MGME1: variants seen among roughly 807,000 people sequenced by gnomAD.
MGME1 encodes the protein mitochondrial genome maintenance exonuclease 1, also known as chromosome 20 open reading frame 72.
In MGME1, 22 loss-of-function variants were observed where a neutral mutation model predicts 33.0. That is an observed-to-expected ratio of 0.67 (90% CI 0.48 to 0.95). The LOEUF (loss-of-function observed/expected upper bound fraction) is 0.95. Among genes scored for constraint, MGME1 ranks in the 40% least tolerant of loss-of-function variants. The probability of loss-of-function intolerance (pLI) is 0.00; values close to 1 mark genes in which losing one functional copy is unlikely to be tolerated. For synonymous variants in MGME1, 133 were observed against 144.0 expected (o/e 0.92, Z 0.55); for missense variants, 383 against 397.8 (o/e 0.96, Z 0.32).
At chr20:17,985,664 GTA>G (rs1305052799) in intron 3 of MGME1, among the ~76,000 whole-genome samples, 3 of 152,058 alleles carry the variant, frequency 2.0e-5, no homozygotes, top group Admixed American at 2.0e-4. Context: ...CCCTATACAA[GTA>G]TACTGTTTTT....
Position 17,990,585 on chromosome 20 carries a change from T to G in MGME1, c.*476T>G, listed in dbSNP as rs1032345053. Reference sequence around the variant, plus strand: ...AGCCCACTACCGCTGCCAACACCAATGCCTAAAACTTGTTTCATACATTGG... The same window carrying G: ...AGCCCACTACCGCTGCCAACACCAAGGCCTAAAACTTGTTTCATACATTGG... On this transcript the variant is annotated 3_prime_UTR_variant, in exon 5 of 5. Transcript: ENST00000377710. 1 of 164,470 alleles carries G rather than the reference T, an allele frequency of 6.1e-6. No homozygotes were observed. The highest frequency in any genetic ancestry group is 2.4e-5 in the African/African-American group (1 of 41,794). 10.2% of individuals were successfully genotyped at this position (164,470 alleles called of 1,614,324 possible).
chr20:17,987,865 G>T (rs990869590), intron 3 of MGME1, among the ~76,000 whole-genome samples: 3 of 152,026 alleles, frequency 2.0e-5, no homozygotes, highest in African/African-American at 7.2e-5. Flanking sequence ...GATAGGGGAT[G>T]GGGGGAGGAA....
At chr20:17,971,066 A>G (rs2035715816) in intron 2 of MGME1, among the ~76,000 whole-genome samples, 1 of 152,240 alleles carries the variant, frequency 6.6e-6, no homozygotes, top group Non-Finnish European at 1.5e-5. Flanking sequence ...TCCTTTACCC[A>G]AGCTTCCCAA....
intron 2 of MGME1, chr20:17,972,823 CAT>C (rs895616162): frequency 6.2e-6 from 6 of 970,960 alleles, no homozygotes; most frequent in Non-Finnish European, 7.3e-6. Context: ...CTGTTTTTAA[CAT>C]GTTTGTCTTC....
In MGME1 at chr20:17,969,815, A is replaced by G; in HGVS notation, c.-45A>G. ...CTCTCCAATAGGAATACAAACATAA[A>G]GGCCTTCGACCGTTGCAAATAGACT... On this transcript the variant is annotated 5_prime_UTR_variant, in exon 2 of 5. Coordinates refer to ENST00000377710, the MANE Select transcript of MGME1 (RefSeq NM_052865.4). The G allele has an allele frequency of 6.5e-7, 1 of 1,537,606 alleles. No individual in the cohort carries two copies. The highest frequency in any genetic ancestry group is 8.7e-7 in the Non-Finnish European group (1 of 1,147,174).
Position 17,980,321 on chromosome 20 carries a change from C to T in MGME1, c.731+4418C>T, listed in dbSNP as rs147180208. On this transcript the variant is annotated intron_variant, in intron 3 of 4. Transcript: ENST00000377710. ...GATTACAGGTGTGAGCCACTGTGCC[C>T]GACCCCACTGAATTTTTAATGGGTA... 4.0e-5 allele frequency among the ~76,000 whole-genome samples: 6 copies of T among 151,722 alleles called. No homozygotes were observed. The East Asian group carries it at 7.9e-4, about 20-fold the overall frequency.
intron 3 of MGME1, among the ~76,000 whole-genome samples, chr20:17,977,605 G>T (rs2035901535): frequency 1.3e-5 from 2 of 152,146 alleles, no homozygotes; most frequent in African/African-American, 4.8e-5. Flanking sequence ...GCAAGGGTTT[G>T]TGATAAAGGA....
chr20:17,968,663 A>C (rs2035620924), upstream of MGME1: 1 of 597,010 alleles, frequency 1.7e-6, no homozygotes, highest in Non-Finnish European at 3.0e-6. Context: ...GCTGCCGTCC[A>C]TCTTGGAGCC....
chr20:17,981,733 G>C (rs2036027310), intron 3 of MGME1, among the ~76,000 whole-genome samples: 1 of 151,218 alleles, frequency 6.6e-6, no homozygotes, highest in Non-Finnish European at 1.5e-5. Flanking sequence ...GGCACAATCT[G>C]GACTCACTAT....
chr20:17,979,320 C>T (rs1379401822), intron 3 of MGME1, among the ~76,000 whole-genome samples: 2 of 152,120 alleles, frequency 1.3e-5, no homozygotes, highest in African/African-American at 2.4e-5. Context: ...CTCAAGCAAG[C>T]TGCCTGTCTC....
intron 3 of MGME1, among the ~76,000 whole-genome samples, chr20:17,979,082 A>AT (rs909914628): frequency 1.9e-4 from 27 of 145,122 alleles, no homozygotes; most frequent in South Asian, 1.1e-3. Flanking sequence ...CCAGCCTAGA[A>AT]TTTTTTTTTT....
At chr20:17,988,703 T>TA (rs34498827) in intron 4 of MGME1, among the ~76,000 whole-genome samples, 2,956 of 138,762 alleles carry the variant, frequency 0.021, 76 homozygotes, top group African/African-American at 0.061. Flanking sequence ...AGAAAAATTG[T>TA]AAAAAAAAAA....
intron 4 of MGME1, among the ~76,000 whole-genome samples, chr20:17,989,388 C>CAAATAAATAAAT (rs58644150): frequency 0.054 from 7,721 of 142,382 alleles, 348 homozygotes; most frequent in East Asian, 0.12. Context: ...TGTCTCTCTC[C>CAAATAAATAAAT]AAATAAATAA....
At chr20:17,968,631 C>A (rs1384715660), upstream of MGME1, 2 of 620,210 alleles carry the variant, frequency 3.2e-6, no homozygotes, top group Admixed American at 2.4e-5. Flanking sequence ...ACGTGCTCCC[C>A]CAGAGCAGCC....
chr20:17,977,684 C>T (rs545763082), intron 3 of MGME1, among the ~76,000 whole-genome samples: 159 of 152,284 alleles, frequency 1.0e-3, no homozygotes, highest in African/African-American at 3.6e-3. Context: ...GGAATGCCTT[C>T]GTTCTCCAGA....
chr20:17,989,128 A>G (rs553750777), intron 4 of MGME1, among the ~76,000 whole-genome samples: 8 of 149,458 alleles, frequency 5.4e-5, no homozygotes, highest in Non-Finnish European at 1.0e-4. Flanking sequence ...GCCCAAGCCT[A>G]TAATTCCAGC....
Position 17,978,425 on chromosome 20 carries a change from G to A in MGME1, c.731+2522G>A, listed in dbSNP as rs190240845. Among the ~76,000 whole-genome samples the A allele has an allele frequency of 5.9e-5, 9 of 152,136 alleles. No homozygotes were observed. The East Asian group carries it at 1.7e-3, about 29-fold the overall frequency. ...TCGCCATGTTGGCCAGGCTGGTCTC[G>A]AACTCCTGACCTCAGGTGATCCACC... On this transcript the variant is annotated intron_variant, in intron 3 of 4. Transcript: ENST00000377710.
rs149690216 is a variant in MGME1 at position 17,980,509 on chromosome 20, A to G, written c.731+4606A>G. On this transcript the variant is annotated intron_variant, in intron 3 of 4. Coordinates refer to ENST00000377710, the MANE Select transcript of MGME1 (RefSeq NM_052865.4). ...ACCCTGCTTTTTTCCACTTAAAAAA[A>G]TTATTTAAAAAAAAATCAGGCTGGG... 1.6e-3 allele frequency among the ~76,000 whole-genome samples: 240 copies of G among 152,056 alleles called. 2 individuals are homozygous for G. The highest frequency in any genetic ancestry group is 5.3e-3 in the African/African-American group (222 of 41,512).
In MGME1 at chr20:17,990,060, C is replaced by T. The variant is rs141693556; in HGVS notation, c.986C>T (p.Thr329Met). 116 of 1,613,656 alleles carry T rather than the reference C, an allele frequency of 7.2e-5. No homozygotes were observed. In the African/African-American group the frequency reaches 1.1e-3, roughly 16 times the overall value. Residue 329 changes from threonine to methionine, a missense_variant, in exon 5 of 5, where the codon ACG becomes ATG. Physicochemically the swap from Thr to Met is moderately conservative, Grantham distance 81. Coordinates refer to ENST00000377710, the MANE Select transcript of MGME1 (RefSeq NM_052865.4). Reference protein sequence around the residue: ...TKWLLRLEEYTEKKKNQNIQK... With the variant: ...TKWLLRLEEYMEKKKNQNIQK... ...TGGCTTCTTCGACTAGAAGAATATA[C>T]GGAAAAGAAAAAGAACCAGAATATT...
Sources: allele counts gnomAD v4.1 joint callset (sites outside exome capture counted in the v4.1 genomes callset), GRCh38; gene constraint gnomAD v4.1.1; transcripts MANE v1.5; gene names NCBI Gene and HGNC (gene_info 2026-07-23, HGNC 2026-07-21).